Variants in CNTN4 observed in about 807,000 individuals in gnomAD.
The protein encoded by CNTN4 is contactin-4.
CNTN4 carries 77 observed loss-of-function variants against 122.5 expected under a neutral mutation model. That is an observed-to-expected ratio of 0.63 (90% CI 0.52 to 0.76). The LOEUF (loss-of-function observed/expected upper bound fraction) is 0.76. Ranked by LOEUF, CNTN4 falls within the 30% of genes least tolerant of loss-of-function variation. The pLI is 0.00. For synonymous variants in CNTN4, 512 were observed against 447.0 expected, an observed-to-expected ratio of 1.15 and a Z score of -1.83; for missense variants, 1,256 against 1,259.1, an observed-to-expected ratio of 1.00 and a Z score of 0.04.
chr3:2,728,843 G>T (rs192866161), intron 4 of CNTN4, among the ~76,000 whole-genome samples: 54 of 152,296 alleles, frequency 3.5e-4, no homozygotes, highest in Non-Finnish European at 5.9e-4. Flanking sequence ...TGTTGCTCTT[G>T]AAGTGTTTCT....
chr3:2,595,063 A>G (rs4553961), intron 4 of CNTN4, among the ~76,000 whole-genome samples: 47,442 of 152,056 alleles, frequency 0.31, 7,555 homozygotes, highest in South Asian at 0.45. Context: ...AACTTCAGAT[A>G]TGATCCAAGC....
At chr3:2,362,035 G>A (rs185293279) in intron 3 of CNTN4, among the ~76,000 whole-genome samples, 91 of 152,322 alleles carry the variant, frequency 6.0e-4, no homozygotes, top group African/African-American at 2.0e-3. Context: ...TGTAAGAGTT[G>A]ACCAGGTTGA....
At chr3:2,396,206 G>A (rs542936719) in intron 3 of CNTN4, among the ~76,000 whole-genome samples, 1 of 151,968 alleles carries the variant, frequency 6.6e-6, no homozygotes, top group Non-Finnish European at 1.5e-5. Flanking sequence ...TTGTATTTTT[G>A]TAGAGATTAA....
At chr3:2,222,016 G>GT (rs1265194072) in intron 2 of CNTN4, among the ~76,000 whole-genome samples, 19 of 152,124 alleles carry the variant, frequency 1.2e-4, no homozygotes, top group Non-Finnish European at 2.5e-4. Flanking sequence ...CTAAAATAGA[G>GT]TTAACATTTC....
At chr3:2,920,925 G>A (rs914027227) in intron 12 of CNTN4, among the ~76,000 whole-genome samples, 5 of 152,160 alleles carry the variant, frequency 3.3e-5, no homozygotes, top group East Asian at 1.9e-4. Flanking sequence ...ACAATAGAAG[G>A]ATGGATATTA....
chr3:2,344,009 T>C (rs2044304348), intron 3 of CNTN4, among the ~76,000 whole-genome samples: 1 of 152,070 alleles, frequency 6.6e-6, no homozygotes, highest in Non-Finnish European at 1.5e-5. Flanking sequence ...AAACAGCTCT[T>C]GCATGAACTA....
At chr3:2,535,868 G>T (rs945390106) in intron 3 of CNTN4, among the ~76,000 whole-genome samples, 1 of 152,052 alleles carries the variant, frequency 6.6e-6, no homozygotes, top group Non-Finnish European at 1.5e-5. Flanking sequence ...AAATGTTTGA[G>T]ATGTCTCTGT....
chr3:2,687,582 G>A (rs2085502379), intron 4 of CNTN4, among the ~76,000 whole-genome samples: 1 of 152,164 alleles, frequency 6.6e-6, no homozygotes, highest in African/African-American at 2.4e-5. Flanking sequence ...CTCAAGAGGT[G>A]GAGGTTGCAA....
intron 12 of CNTN4, among the ~76,000 whole-genome samples, chr3:2,922,635 C>T (rs1047042085): frequency 1.1e-5 from 1 of 88,288 alleles, no homozygotes. Flanking sequence ...TTTTTTGAGA[C>T]GGAGTCTAGC....
At chr3:2,426,679 A>G (rs1419838081) in intron 3 of CNTN4, among the ~76,000 whole-genome samples, 1 of 152,100 alleles carries the variant, frequency 6.6e-6, no homozygotes, top group East Asian at 1.9e-4. Flanking sequence ...GGTAGAATTC[A>G]GCTGTGAATC....
At chr3:2,223,972 G>T (rs1381696871) in intron 2 of CNTN4, among the ~76,000 whole-genome samples, 4 of 152,154 alleles carry the variant, frequency 2.6e-5, no homozygotes, top group Non-Finnish European at 5.9e-5. Flanking sequence ...GCAGGTAGGT[G>T]TGGAGAGATA....
At chr3:2,667,075 G>A (rs530499047) in intron 4 of CNTN4, among the ~76,000 whole-genome samples, 65 of 152,208 alleles carry the variant, frequency 4.3e-4, no homozygotes, top group African/African-American at 1.5e-3. Context: ...CTTTATAGCA[G>A]CATGGTTTAT....
intron 7 of CNTN4, among the ~76,000 whole-genome samples, chr3:2,846,817 G>A (rs939259583): frequency 6.6e-6 from 1 of 151,960 alleles, no homozygotes; most frequent in Non-Finnish European, 1.5e-5. Context: ...ACCAACATGG[G>A]GAAACCCCAT....
chr3:2,589,618 T>G (rs1418268293), intron 4 of CNTN4, among the ~76,000 whole-genome samples: 1 of 152,156 alleles, frequency 6.6e-6, no homozygotes, highest in Non-Finnish European at 1.5e-5. Context: ...TCATGCAAAC[T>G]TTTTGGGTCA....
At chr3:2,328,368 C>T (rs11709595) in intron 2 of CNTN4, among the ~76,000 whole-genome samples, 68,113 of 147,510 alleles carry the variant, frequency 0.46, 17,395 homozygotes, top group East Asian at 0.83. Flanking sequence ...ATGGCGCCAC[C>T]GCCCTCCAGC....
intron 4 of CNTN4, among the ~76,000 whole-genome samples, chr3:2,596,959 A>G (rs865899436): frequency 1.3e-5 from 2 of 149,756 alleles, no homozygotes; most frequent in African/African-American, 4.9e-5. Context: ...ATCCCTGGTC[A>G]TTTTTTTTTT....
chr3:2,862,543 C>T (rs12633402), intron 7 of CNTN4, among the ~76,000 whole-genome samples: 111,991 of 152,104 alleles, frequency 0.74, 41,429 homozygotes, highest in African/African-American at 0.81. Context: ...TTTCACAATC[C>T]ATTTAATATG....
intron 3 of CNTN4, among the ~76,000 whole-genome samples, chr3:2,402,733 A>G (rs1004061538): frequency 6.6e-6 from 1 of 152,116 alleles, no homozygotes; most frequent in African/African-American, 2.4e-5. Context: ...AATGTGTCTT[A>G]TATCTACTAG....
intron 2 of CNTN4, among the ~76,000 whole-genome samples, chr3:2,196,732 C>A (rs919411928): frequency 6.6e-6 from 1 of 151,944 alleles, no homozygotes; most frequent in South Asian, 2.1e-4. Context: ...AAGCAGTGAT[C>A]CATTTCTATC....
Sources: allele counts gnomAD v4.1 joint callset (sites outside exome capture counted in the v4.1 genomes callset), GRCh38; gene constraint gnomAD v4.1.1; transcripts MANE v1.5; gene names NCBI Gene and HGNC (gene_info 2026-07-23, HGNC 2026-07-21).